The following PDE4D variants were observed in gnomAD, a reference collection of about 807,000 sequenced individuals.
PDE4D encodes 3',5'-cyclic-AMP phosphodiesterase 4D.
In PDE4D, 24 loss-of-function variants were observed where a neutral mutation model predicts 87.4. That is an observed-to-expected ratio of 0.27 (90% CI 0.20 to 0.39). The LOEUF is 0.39. Among genes scored for constraint, PDE4D ranks in the 10% least tolerant of loss-of-function variants. PDE4D has a pLI of 1.00. For missense variants in PDE4D, 714 were observed against 1,041.0 expected (o/e 0.69, Z 4.32); for synonymous variants, 384 against 383.2 (o/e 1.00, Z -0.02).
intron 1 of PDE4D, among the ~76,000 whole-genome samples, chr5:59,501,652 C>A (rs982640465): frequency 4.6e-5 from 7 of 152,118 alleles, no homozygotes; most frequent in Middle Eastern, 3.4e-3. Flanking sequence ...TGATGAAGAT[C>A]TAAACTAGTG....
intron 5 of PDE4D, among the ~76,000 whole-genome samples, chr5:59,160,524 T>C (rs1780907919): frequency 6.6e-6 from 1 of 152,124 alleles, no homozygotes; most frequent in African/African-American, 2.4e-5. Context: ...TATTATCTTC[T>C]GTAGAAACAG....
intron 1 of PDE4D, among the ~76,000 whole-genome samples, chr5:59,785,407 T>G (rs1486047510): frequency 6.6e-6 from 1 of 152,224 alleles, no homozygotes; most frequent in Non-Finnish European, 1.5e-5. Flanking sequence ...AGCTAACGTT[T>G]ATTGAGCACC....
intron 2 of PDE4D, among the ~76,000 whole-genome samples, chr5:60,107,310 A>T (rs999046287): frequency 1.3e-5 from 2 of 152,074 alleles, no homozygotes; most frequent in African/African-American, 4.8e-5. Flanking sequence ...TAAACCGGGA[A>T]GAAGTTGAAT....
chr5:59,844,130 C>T (rs1743472774), intron 1 of PDE4D, among the ~76,000 whole-genome samples: 1 of 152,016 alleles, frequency 6.6e-6, no homozygotes, highest in South Asian at 2.1e-4. Context: ...ACCTGGAGTA[C>T]AAAATTTGAT....
rs188610112 is a variant in PDE4D at position 59,622,897 on chromosome 5, A to G, written c.455+270271T>C. On this transcript the variant is annotated intron_variant, in intron 1 of 14. Coordinates refer to ENST00000340635, the MANE Select transcript of PDE4D (RefSeq NM_001104631.2). The stretch of plus-strand genomic sequence containing the variant: ...ACTCAGCTCATATCCCATTATCACC[A>G]CATCTCTTCAGTCTTTTTGTCCTGA... Among the ~76,000 whole-genome samples, 3 of 152,236 alleles carry G rather than the reference A, an allele frequency of 2.0e-5. No individual in the cohort carries two copies. In the East Asian group the frequency reaches 5.8e-4, roughly 29 times the overall value.
At chr5:59,610,255 G>C (rs1561318649) in intron 1 of PDE4D, among the ~76,000 whole-genome samples, 1 of 152,212 alleles carries the variant, frequency 6.6e-6, no homozygotes, top group African/African-American at 2.4e-5. Context: ...GTGAGTTACT[G>C]AGGTTTATGC....
intron 1 of PDE4D, among the ~76,000 whole-genome samples, chr5:59,507,679 A>AAAAAAAAAAG (rs61334148): frequency 1.8e-4 from 21 of 118,696 alleles, no homozygotes; most frequent in Admixed American, 2.8e-4. Flanking sequence ...AAAAAAAAAA[A>AAAAAAAAAAG]AAAAGAAAAG....
intron 3 of PDE4D, among the ~76,000 whole-genome samples, chr5:59,975,261 T>C (rs1185536645): frequency 6.6e-6 from 1 of 152,162 alleles, no homozygotes; most frequent in Non-Finnish European, 1.5e-5. Context: ...CATCACCTCA[T>C]GCCCCGATCT....
intron 1 of PDE4D, among the ~76,000 whole-genome samples, chr5:59,879,360 G>A (rs917411034): frequency 5.3e-5 from 8 of 152,084 alleles, no homozygotes; most frequent in African/African-American, 1.9e-4. Context: ...CTCCACAGCC[G>A]GAACTCCGTA....
chr5:59,174,010 CTTA>C (rs1783428242), intron 5 of PDE4D, among the ~76,000 whole-genome samples: 1 of 152,142 alleles, frequency 6.6e-6, no homozygotes, highest in Non-Finnish European at 1.5e-5. Context: ...AGCCAGCATC[CTTA>C]TTGTCACCAT....
intron 2 of PDE4D, among the ~76,000 whole-genome samples, chr5:60,056,822 A>G (rs1015748539): frequency 3.9e-5 from 6 of 152,054 alleles, no homozygotes; most frequent in Non-Finnish European, 8.8e-5. Flanking sequence ...GTGCACAAGT[A>G]TGCAAACACA....
intron 1 of PDE4D, among the ~76,000 whole-genome samples, chr5:60,260,461 A>T: frequency 6.6e-6 from 1 of 152,128 alleles, no homozygotes; most frequent in Non-Finnish European, 1.5e-5. Flanking sequence ...GCAGGGGAAT[A>T]CTAGCAATGC....
chr5:59,172,173 T>A (rs1783055444), intron 5 of PDE4D, among the ~76,000 whole-genome samples: 1 of 107,332 alleles, frequency 9.3e-6, no homozygotes, highest in African/African-American at 3.9e-5. Context: ...ATAATATATG[T>A]ATATAATATA....
At chr5:60,008,225 A>C (rs1764670188) in intron 2 of PDE4D, among the ~76,000 whole-genome samples, 1 of 151,942 alleles carries the variant, frequency 6.6e-6, no homozygotes, top group Admixed American at 6.6e-5. Context: ...TGAATTCCCC[A>C]GTCCTTTTTT....
At chr5:60,240,911 A>T (rs1228889875) in intron 1 of PDE4D, among the ~76,000 whole-genome samples, 1 of 152,136 alleles carries the variant, frequency 6.6e-6, no homozygotes, top group Non-Finnish European at 1.5e-5. Context: ...AAGAATGGGT[A>T]TGAAGAATCC....
At chr5:59,738,453 G>C (rs1580784767) in intron 1 of PDE4D, among the ~76,000 whole-genome samples, 1 of 151,992 alleles carries the variant, frequency 6.6e-6, no homozygotes, top group East Asian at 1.9e-4. Context: ...GGGGAAGGCA[G>C]AATTATTTGT....
chr5:60,510,858 T>C (rs1750538984), intron 1 of PDE4D, among the ~76,000 whole-genome samples: 1 of 152,216 alleles, frequency 6.6e-6, no homozygotes, highest in Non-Finnish European at 1.5e-5. Flanking sequence ...GTTCCAGCAC[T>C]GACAGCAGAG....
At chr5:60,289,883 C>T (rs905273070) in intron 1 of PDE4D, among the ~76,000 whole-genome samples, 10 of 152,166 alleles carry the variant, frequency 6.6e-5, no homozygotes, top group African/African-American at 2.4e-4. Flanking sequence ...AGAGACACTG[C>T]AATTTTGACA....
chr5:59,463,507 C>G (rs75407869), intron 1 of PDE4D, among the ~76,000 whole-genome samples: 2 of 152,034 alleles, frequency 1.3e-5, no homozygotes, highest in Admixed American at 1.3e-4. Flanking sequence ...TAACAGTCCC[C>G]GCACTGAATC....
Sources: allele counts gnomAD v4.1 joint callset (sites outside exome capture counted in the v4.1 genomes callset), GRCh38; gene constraint gnomAD v4.1.1; transcripts MANE v1.5; gene names NCBI Gene and HGNC (gene_info 2026-07-23, HGNC 2026-07-21).